Variants in ARHGAP10 observed in about 807,000 individuals in gnomAD.
ARHGAP10 encodes rho GTPase-activating protein 10.
ARHGAP10 carries 87 observed loss-of-function variants against 108.6 expected under a neutral mutation model. The ratio of observed to expected loss-of-function variants is 0.80; its 90% CI spans 0.67 to 0.96. The LOEUF is 0.96. ARHGAP10 is among the 40% of genes least tolerant of loss of function. The pLI is 0.00. For synonymous variants in ARHGAP10, 347 were observed against 341.1 expected (o/e 1.02, Z -0.19); for missense variants, 939 against 954.5 (o/e 0.98, Z 0.21).
intron 18 of ARHGAP10, among the ~76,000 whole-genome samples, chr4:148,004,509 A>G (rs2149648524): frequency 6.6e-6 from 1 of 152,336 alleles, no homozygotes; most frequent in South Asian, 2.1e-4. Flanking sequence ...ATCTTTTATT[A>G]TATAAGATTG....
intron 1 of ARHGAP10, among the ~76,000 whole-genome samples, chr4:147,796,802 G>T (rs1364315073): frequency 6.6e-6 from 1 of 152,204 alleles, no homozygotes; most frequent in Non-Finnish European, 1.5e-5. Flanking sequence ...TGGGATTACA[G>T]GCGTGAGCCA....
chr4:148,039,500 G>A (rs1187667851), intron 19 of ARHGAP10, among the ~76,000 whole-genome samples: 2 of 148,010 alleles, frequency 1.4e-5, no homozygotes, highest in Non-Finnish European at 3.0e-5. Flanking sequence ...AGGTTTCACT[G>A]TGTTGGCCAG....
In ARHGAP10 at chr4:148,071,519, G is replaced by A. The variant is rs147574644; in HGVS notation, c.2273-474G>A. On this transcript the variant is annotated intron_variant, in intron 22 of 22. Coordinates refer to ENST00000336498, the MANE Select transcript of ARHGAP10 (RefSeq NM_024605.4). ...TAATCCCAGCTACTCAGGAGGCTGA[G>A]GCAGGAGAATTGCTTGAATCCGGGA... Among the ~76,000 whole-genome samples the A allele has an allele frequency of 6.7e-3, 1,022 of 152,336 alleles. 10 individuals carry two copies. Among genetic ancestry groups the A allele is most frequent in the African/African-American group, 0.023 (962 of 41,568 alleles).
At chr4:148,003,519 G>A (rs890915729) in intron 18 of ARHGAP10, among the ~76,000 whole-genome samples, 1 of 152,160 alleles carries the variant, frequency 6.6e-6, no homozygotes, top group South Asian at 2.1e-4. Context: ...GGGTGTTAAA[G>A]TCTCCCATTA....
At chr4:147,741,516 C>G (rs1489469620) in intron 1 of ARHGAP10, among the ~76,000 whole-genome samples, 1 of 152,120 alleles carries the variant, frequency 6.6e-6, no homozygotes, top group Non-Finnish European at 1.5e-5. Context: ...TGGTAACTGT[C>G]AAGCTAGTTG....
intron 20 of ARHGAP10, among the ~76,000 whole-genome samples, chr4:148,054,211 A>T (rs1034075107): frequency 6.6e-6 from 1 of 152,230 alleles, no homozygotes; most frequent in Non-Finnish European, 1.5e-5. Context: ...GACCGTTTAC[A>T]TTGGTAAGTC....
intron 1 of ARHGAP10, among the ~76,000 whole-genome samples, chr4:147,764,469 A>T (rs907198046): frequency 6.6e-5 from 10 of 151,708 alleles, no homozygotes; most frequent in African/African-American, 2.4e-4. Context: ...CCCATGCAGT[A>T]ATAGTGACTT....
rs1578838322 is a variant in ARHGAP10, at chr4:148,060,344, AGT to A, written c.2028-2803_2028-2802del. On this transcript the variant is annotated intron_variant, in intron 20 of 22. Transcript: ENST00000336498. Reference sequence around the variant, plus strand: ...TGGTTACATAACGAAGCTCATGTTTAGTTTTTTTTTTTTTTTTTTTTTGGCCT... The same window carrying A: ...TGGTTACATAACGAAGCTCATGTTTATTTTTTTTTTTTTTTTTTTTGGCCT... 2.2e-4 allele frequency among the ~76,000 whole-genome samples: 26 copies of A among 120,832 alleles called. 2 individuals are homozygous for A. The highest frequency in any genetic ancestry group is 3.4e-4 in the Admixed American group (4 of 11,686). 79.3% of individuals were successfully genotyped at this position (120,832 alleles called of 152,430 possible).
intron 7 of ARHGAP10, among the ~76,000 whole-genome samples, chr4:147,873,747 C>T (rs1299203967): frequency 1.8e-5 from 2 of 113,496 alleles, no homozygotes; most frequent in Non-Finnish European, 3.9e-5. Flanking sequence ...TAGTGGTGTG[C>T]GCCTGTAGTC....
At chr4:147,912,039 G>GTGTGTATA (rs1553962354) in intron 12 of ARHGAP10, among the ~76,000 whole-genome samples, 13 of 121,824 alleles carry the variant, frequency 1.1e-4, no homozygotes, top group African/African-American at 3.4e-4. Flanking sequence ...GTGTGTGTGT[G>GTGTGTATA]TATAGTTTTC....
chr4:147,831,702 C>G (rs1319258293), intron 3 of ARHGAP10, among the ~76,000 whole-genome samples: 3 of 152,204 alleles, frequency 2.0e-5, no homozygotes, highest in Admixed American at 6.5e-5. Context: ...TTCCCGTAAG[C>G]CTGTTATTCA....
chr4:148,061,255 G>A (rs1013176028), intron 20 of ARHGAP10, among the ~76,000 whole-genome samples: 3 of 152,078 alleles, frequency 2.0e-5, no homozygotes, highest in African/African-American at 4.8e-5. Context: ...AGTCATTGAC[G>A]ATTTATGACT....
chr4:147,740,037 T>C (rs893546636), intron 1 of ARHGAP10, among the ~76,000 whole-genome samples: 5 of 148,000 alleles, frequency 3.4e-5, no homozygotes, highest in Admixed American at 1.4e-4. Flanking sequence ...CGTCTGGCCT[T>C]ACTGGGTTAC....
chr4:147,965,489 A>G (rs767959338), intron 17 of ARHGAP10, among the ~76,000 whole-genome samples: 22 of 152,216 alleles, frequency 1.4e-4, no homozygotes, highest in Non-Finnish European at 2.5e-4. Context: ...GCTTAATTCA[A>G]TAATGGGTAG....
chr4:148,023,345 C>T lies in ARHGAP10; in HGVS notation c.1799C>T (p.Ser600Leu), dbSNP rs139150580. The T allele has an allele frequency of 2.0e-4, 317 of 1,614,140 alleles. 1 individual carries two copies. The African/African-American group carries it at 3.2e-3, about 16-fold the overall frequency. ...CCCCCAAATGCGCCACCAAGGCAGT[C>T]GAAGAGACAAGGCCAGAGAACCAAG... ...ASPPNAPPRQ[S>L]KRQGQRTKRP... Residue 600 changes from serine to leucine, a missense_variant, in exon 19 of 23, where the codon TCG becomes TTG. Coordinates refer to ENST00000336498, the MANE Select transcript of ARHGAP10 (RefSeq NM_024605.4).
chr4:147,889,363 G>A lies in ARHGAP10; in HGVS notation c.1034+7431G>A, dbSNP rs149210419. On this transcript the variant is annotated intron_variant, in intron 10 of 22. Transcript: ENST00000336498. ...CACCCAGTGTGCAGTGCAATGGCAC[G>A]ATCTCGGTTCACTGCAACCTCTGCC... Among the ~76,000 whole-genome samples the A allele has an allele frequency of 9.7e-4, 148 of 152,260 alleles. No individual in the cohort carries two copies. The Middle Eastern group carries it at 0.01, about 11-fold the overall frequency.
At chr4:147,751,249 A>C (rs1560738534) in intron 1 of ARHGAP10, among the ~76,000 whole-genome samples, 1 of 152,178 alleles carries the variant, frequency 6.6e-6, no homozygotes, top group Non-Finnish European at 1.5e-5. Context: ...TTAGATTTTA[A>C]TTGACCTGAT....
chr4:147,963,060 G>A (rs1739060915), intron 16 of ARHGAP10, among the ~76,000 whole-genome samples: 1 of 152,026 alleles, frequency 6.6e-6, no homozygotes, highest in African/African-American at 2.4e-5. Flanking sequence ...AAAATATCAG[G>A]CATACCTTCC....
intron 18 of ARHGAP10, among the ~76,000 whole-genome samples, chr4:148,002,470 A>G (rs1297906191): frequency 6.6e-6 from 1 of 152,200 alleles, no homozygotes; most frequent in African/African-American, 2.4e-5. Context: ...ATTGATTGGC[A>G]TAGTTTCAGA....
Sources: gnomAD v4.1 joint callset for allele counts (sites outside exome capture counted in the v4.1 genomes callset) on GRCh38, gnomAD v4.1.1 for gene constraint, MANE v1.5 for transcripts, NCBI Gene and HGNC (gene_info 2026-07-23, HGNC 2026-07-21) for gene names.